Variants in STK32B observed in about 807,000 individuals in gnomAD.
The protein encoded by STK32B is serine/threonine kinase 32B, also known as serine/threonine-protein kinase 32B.
A neutral mutation model predicts 52.6 loss-of-function variants in STK32B; 43 were observed. The observed-to-expected ratio is 0.82, with a 90% CI of 0.64 to 1.05. STK32B has a LOEUF of 1.05. STK32B is among the 50% of genes least tolerant of loss of function. STK32B has a pLI of 0.00. For synonymous variants in STK32B, 238 were observed against 204.3 expected (o/e 1.17, Z -1.41); for missense variants, 621 against 534.6 (o/e 1.16, Z -1.59).
chr4:5,207,343 C>A (rs1400434495), intron 3 of STK32B, among the ~76,000 whole-genome samples: 2 of 152,176 alleles, frequency 1.3e-5, no homozygotes, highest in African/African-American at 4.8e-5. Flanking sequence ...TTTTCCCGTG[C>A]TTTTCTCGTG....
chr4:5,352,366 C>T (rs1263433541), intron 4 of STK32B, among the ~76,000 whole-genome samples: 2 of 151,978 alleles, frequency 1.3e-5, no homozygotes, highest in Non-Finnish European at 2.9e-5. Context: ...TAAATAGATG[C>T]AGGAAAAGAA....
chr4:5,201,010 A>C (rs1378750553), intron 3 of STK32B, among the ~76,000 whole-genome samples: 1 of 152,188 alleles, frequency 6.6e-6, no homozygotes, highest in Non-Finnish European at 1.5e-5. Context: ...GAACCCTGTA[A>C]ATGAAGAAAT....
intron 3 of STK32B, among the ~76,000 whole-genome samples, chr4:5,254,358 T>G (rs1401603885): frequency 6.6e-6 from 1 of 152,010 alleles, no homozygotes; most frequent in Non-Finnish European, 1.5e-5. Context: ...TTTATTGATC[T>G]TCTATATTGT....
chr4:5,420,913 T>C (rs1419787544), intron 6 of STK32B, among the ~76,000 whole-genome samples: 1 of 152,124 alleles, frequency 6.6e-6, no homozygotes, highest in East Asian at 1.9e-4. Context: ...TGTTTTGTTT[T>C]TTTAAGACAG....
In STK32B at chr4:5,103,543, C is replaced by G. The variant is rs78817423; in HGVS notation, c.53-36362C>G. Reference sequence around the variant, plus strand: ...ATGGCATACTTTATTGACTCATTCCCTTATTGATGATGGATGGGAACATTG... The same window carrying G: ...ATGGCATACTTTATTGACTCATTCCGTTATTGATGATGGATGGGAACATTG... On this transcript the variant is annotated intron_variant, in intron 1 of 11. Coordinates refer to ENST00000282908, the MANE Select transcript of STK32B (RefSeq NM_018401.3). Among the ~76,000 whole-genome samples, 986 of 152,276 alleles carry G rather than the reference C, an allele frequency of 6.5e-3. 12 individuals are homozygous for G. Among genetic ancestry groups the G allele is most frequent in the African/African-American group, 0.022 (925 of 41,552 alleles).
chr4:5,383,787 C>A (rs565258846), intron 4 of STK32B, among the ~76,000 whole-genome samples: 2 of 152,338 alleles, frequency 1.3e-5, no homozygotes, highest in African/African-American at 4.8e-5. Flanking sequence ...TTCATCCATT[C>A]AACTATCCAC....
intron 3 of STK32B, among the ~76,000 whole-genome samples, chr4:5,170,564 G>A (rs1158944345): frequency 6.6e-6 from 1 of 151,976 alleles, no homozygotes; most frequent in African/African-American, 2.4e-5. Context: ...GCAGTGTGTG[G>A]TTTCTTGTCC....
the STK32B span, among the ~76,000 whole-genome samples, chr4:5,025,563 G>A: frequency 1.3e-5 from 2 of 152,174 alleles, no homozygotes; most frequent in African/African-American, 4.8e-5. Flanking sequence ...ATTCTACAGT[G>A]TCTCCGAAAG....
Position 5,474,780 on chromosome 4 carries a change from C to T in STK32B, c.1106+6710C>T, listed in dbSNP as rs557061201. On this transcript the variant is annotated intron_variant, in intron 11 of 11. Coordinates refer to ENST00000282908, the MANE Select transcript of STK32B (RefSeq NM_018401.3). ...ATTCCATTCTCCTTGAGATTGTATC[C>T]GTAGGTATTTTTATTCCCGTTTCAC... 6.6e-5 allele frequency among the ~76,000 whole-genome samples: 10 copies of T among 152,240 alleles called. No individual in the cohort carries two copies. In the East Asian group the frequency reaches 7.7e-4, roughly 12 times the overall value.
At chr4:5,331,181 C>G (rs1302587674) in intron 3 of STK32B, 39 bp from the exon 4 acceptor site, 1 of 1,563,868 alleles carries the variant, frequency 6.4e-7, no homozygotes, top group Non-Finnish European at 8.7e-7. Flanking sequence ...GCTGAAGGTG[C>G]CTCCACCCCT....
chr4:5,251,772 G>A (rs1039489097), intron 3 of STK32B, among the ~76,000 whole-genome samples: 4 of 152,022 alleles, frequency 2.6e-5, no homozygotes, highest in African/African-American at 7.2e-5. Context: ...TGTAATTCAC[G>A]TTACACAGAT....
chr4:5,352,191 T>A (rs575283211), intron 4 of STK32B, among the ~76,000 whole-genome samples: 1 of 152,082 alleles, frequency 6.6e-6, no homozygotes, highest in South Asian at 2.1e-4. Flanking sequence ...GACGTAAAAA[T>A]TCTCAAGAAA....
At chr4:5,189,014 T>TAA (rs78002999) in intron 3 of STK32B, among the ~76,000 whole-genome samples, 1 of 143,610 alleles carries the variant, frequency 7.0e-6, no homozygotes, top group Non-Finnish European at 1.5e-5. Flanking sequence ...AGGTATAATT[T>TAA]AAAAAAAAAA....
At chr4:5,060,422 C>G (rs1198257026) in intron 1 of STK32B, among the ~76,000 whole-genome samples, 1 of 151,584 alleles carries the variant, frequency 6.6e-6, no homozygotes, top group East Asian at 1.9e-4. Context: ...TTTTGATTGG[C>G]CTTTCTTGGT....
intron 4 of STK32B, among the ~76,000 whole-genome samples, chr4:5,333,839 CTCTT>C (rs1458697083): frequency 3.9e-5 from 6 of 152,176 alleles, no homozygotes; most frequent in Non-Finnish European, 7.3e-5. Flanking sequence ...ATGTATATCT[CTCTT>C]TTGGTACCAG....
chr4:5,343,204 G>T (rs1209181811), intron 4 of STK32B, among the ~76,000 whole-genome samples: 3 of 150,712 alleles, frequency 2.0e-5, no homozygotes, highest in Non-Finnish European at 2.9e-5. Flanking sequence ...GTGGTGTTTG[G>T]TTTTTTGTCC....
chr4:5,087,619 A>G (rs1712808238), intron 1 of STK32B, among the ~76,000 whole-genome samples: 1 of 151,996 alleles, frequency 6.6e-6, no homozygotes, highest in Non-Finnish European at 1.5e-5. Context: ...ATTCCATGCA[A>G]TAATAAACAA....
chr4:5,317,247 T>C lies in STK32B; in HGVS notation c.261-13973T>C, dbSNP rs1409801995. ...TATTATATATAACATATATATATTA[T>C]ATATAACATATAACATATATATAAT... On this transcript the variant is annotated intron_variant, in intron 3 of 11. Transcript: ENST00000282908. Among the ~76,000 whole-genome samples the C allele has an allele frequency of 1.5e-4, 6 of 39,046 alleles. No homozygotes were observed. The East Asian group carries it at 2.8e-3, about 18-fold the overall frequency. 25.6% of individuals were successfully genotyped at this position (39,046 alleles called of 152,430 possible).
At chr4:5,048,514 C>T (rs1416891148), upstream of STK32B, among the ~76,000 whole-genome samples, 1 of 152,154 alleles carries the variant, frequency 6.6e-6, no homozygotes, top group African/African-American at 2.4e-5. Context: ...CTAAGCTGGT[C>T]TCGAACTCCT....
Sources: allele counts gnomAD v4.1 joint callset (sites outside exome capture counted in the v4.1 genomes callset), GRCh38; gene constraint gnomAD v4.1.1; transcripts MANE v1.5; gene names NCBI Gene and HGNC (gene_info 2026-07-23, HGNC 2026-07-21).